Variants in CEP192 observed in about 807,000 individuals in gnomAD.
The protein encoded by CEP192 is centrosomal protein of 192 kDa.
CEP192 carries 151 observed loss-of-function variants against 271.8 expected under a neutral mutation model. The observed-to-expected ratio is 0.56, with a 90% CI of 0.49 to 0.64. CEP192 has a LOEUF of 0.64. Ranked by LOEUF, CEP192 falls within the 30% of genes least tolerant of loss-of-function variation. The probability of loss-of-function intolerance (pLI) is 0.00; values close to 1 mark genes in which losing one functional copy is unlikely to be tolerated. For synonymous variants in CEP192, 995 were observed against 1,076.5 expected (o/e 0.92, Z 1.48); for missense variants, 2,910 against 3,020.5 (o/e 0.96, Z 0.86).
chr18:13,061,501 G>A (rs191046131), intron 21 of CEP192, among the ~76,000 whole-genome samples: 1 of 152,288 alleles, frequency 6.6e-6, no homozygotes, highest in East Asian at 1.9e-4. Context: ...CTAGCTCAAC[G>A]ACTTTATTTT....
At chr18:13,046,363 A>AG (rs1405519570) in intron 15 of CEP192, among the ~76,000 whole-genome samples, 1 of 152,220 alleles carries the variant, frequency 6.6e-6, no homozygotes, top group Non-Finnish European at 1.5e-5. Context: ...TAAGATTTGG[A>AG]GGGGCATCCA....
At position 13,069,875 on chromosome 18, in the gene CEP192, A is replaced by G; in HGVS notation, c.5174+19A>G. 7.0e-7 allele frequency: 1 copy of G among 1,427,742 alleles called. No homozygotes were observed. Among genetic ancestry groups the G allele is most frequent in the Non-Finnish European group, 9.9e-7 (1 of 1,012,340 alleles). The allele number at this position is 1,427,742 out of a possible 1,614,324, so 88.4% of individuals were successfully genotyped here. On this transcript the variant is annotated intron_variant, in intron 27 of 44. Transcript: ENST00000506447. ...AGGAAAGGTAATATAAAAATGTTATAATGGACCGGGCACAGTGGCTCATGC... is the reference window on the plus strand; with the variant it reads ...AGGAAAGGTAATATAAAAATGTTATGATGGACCGGGCACAGTGGCTCATGC...
chr18:13,077,902 T>C (rs939918382), intron 30 of CEP192, among the ~76,000 whole-genome samples: 2 of 152,126 alleles, frequency 1.3e-5, no homozygotes, highest in Non-Finnish European at 2.9e-5. Flanking sequence ...TTCTCCCACA[T>C]ATCCATCCAT....
intron 21 of CEP192, among the ~76,000 whole-genome samples, chr18:13,061,392 G>C (rs1471257268): frequency 6.6e-6 from 1 of 152,252 alleles, no homozygotes; most frequent in Non-Finnish European, 1.5e-5. Context: ...TTAGAGGTAG[G>C]TGTTGGGGAT....
intron 9 of CEP192, among the ~76,000 whole-genome samples, chr18:13,019,423 T>C (rs1205875987): frequency 1.3e-5 from 2 of 152,226 alleles, no homozygotes; most frequent in African/African-American, 4.8e-5. Context: ...TGCATTTAGA[T>C]TAGTCATTTG....
At chr18:13,008,378 TA>T (rs1230478928) in intron 3 of CEP192, 77 bp from the exon 4 acceptor site, 2 of 1,034,392 alleles carry the variant, frequency 1.9e-6, no homozygotes, top group Admixed American at 2.8e-5. Flanking sequence ...GTAAAATACA[TA>T]ACTGATTAAT....
chr18:13,095,758 T>A (rs910286406), intron 35 of CEP192, 77 bp downstream of exon 35: 41 of 1,270,016 alleles, frequency 3.2e-5, no homozygotes, highest in Non-Finnish European at 4.4e-5. Flanking sequence ...CCATGGCCTA[T>A]CCAAGACACA....
intron 6 of CEP192, 95 bp downstream of exon 6, chr18:13,015,543 T>C (rs2034595149): frequency 1.6e-6 from 2 of 1,236,524 alleles, no homozygotes; most frequent in Non-Finnish European, 2.3e-6. Flanking sequence ...CTTTTTGGGT[T>C]TTTTGTCCTT....
intron 44 of CEP192, among the ~76,000 whole-genome samples, chr18:13,123,281 A>G (rs931587214): frequency 6.6e-6 from 1 of 152,228 alleles, no homozygotes; most frequent in African/African-American, 2.4e-5. Flanking sequence ...TATCTTTGAC[A>G]TGGTAAAACA....
intron 44 of CEP192, among the ~76,000 whole-genome samples, chr18:13,123,889 G>A (rs2040787134): frequency 1.3e-5 from 2 of 152,182 alleles, no homozygotes; most frequent in South Asian, 2.1e-4. Context: ...GCCGGGCATG[G>A]TGGCTCATGC....
rs527559145 is a variant in CEP192 at position 13,092,389 on chromosome 18, C to T, written c.6116C>T (p.Pro2039Leu). The T allele has an allele frequency of 1.3e-6, 2 of 1,593,682 alleles. No individual in the cohort carries two copies. Among genetic ancestry groups the T allele is most frequent in the East Asian group, 2.3e-5 (1 of 44,278 alleles). ...TTTTCTATTTCAGTATATGATCTTC[C>T]CCAACGACCTAATGATGTTCAGCTC... Reference protein sequence around the residue: ...ELLVTEVYDLPQRPNDVQLFY... With the variant: ...ELLVTEVYDLLQRPNDVQLFY... Residue 2039 changes from proline to leucine, a missense_variant, in exon 34 of 45, where the codon CCC (proline) becomes CTC (leucine). Physicochemically the swap from Pro to Leu is moderately conservative, Grantham distance 98. Transcript: ENST00000506447.
At position 13,048,848 on chromosome 18, in the gene CEP192, C is replaced by G. The variant is rs751333952; in HGVS notation, c.2068-11C>G. On this transcript the variant is annotated splice_polypyrimidine_tract_variant and intron_variant, in intron 15 of 44. Transcript: ENST00000506447. ...GTAAATTTATCTGATGTTTAATTTT[C>G]TCACTTCTAGGACACTTTCTTCATG... is the stretch of plus-strand genomic sequence containing the variant. 1 of 1,533,802 alleles carries G rather than the reference C, an allele frequency of 6.5e-7. No homozygotes were observed. The highest frequency in any genetic ancestry group is 8.8e-7 in the Non-Finnish European group (1 of 1,130,966).
intron 11 of CEP192, among the ~76,000 whole-genome samples, chr18:13,037,020 G>T (rs2035956712): frequency 6.6e-6 from 1 of 152,212 alleles, no homozygotes; most frequent in Non-Finnish European, 1.5e-5. Context: ...ATTGGGGTAC[G>T]TTAGTGACAA....
intron 41 of CEP192, 30 bp downstream of exon 41, chr18:13,113,735 A>T: frequency 1.3e-6 from 2 of 1,559,762 alleles, no homozygotes; most frequent in Non-Finnish European, 1.7e-6. Context: ...TAAGTAAATT[A>T]TTGTATGTAT....
At chr18:13,124,588 G>A (rs1320371277) in intron 44 of CEP192, 44 bp from the exon 45 acceptor site, 1 of 1,574,020 alleles carries the variant, frequency 6.4e-7, no homozygotes, top group Non-Finnish European at 8.7e-7. Flanking sequence ...AGGGTCACGG[G>A]TGCTGTCATG....
chr18:13,083,344 C>T (rs1275531445), intron 30 of CEP192, among the ~76,000 whole-genome samples: 1 of 152,168 alleles, frequency 6.6e-6, no homozygotes, highest in Non-Finnish European at 1.5e-5. Flanking sequence ...AACTTCTCTT[C>T]TCACTTTATT....
rs1370330539 is a variant in CEP192 at position 13,113,423 on chromosome 18, A to G, written c.7048-163A>G. ...TTTGGATCTGGTATAGTAACCCGCT[A>G]GAAATGAAATTGTCCAAATTCTTTC... On this transcript the variant is annotated intron_variant, in intron 40 of 44. Transcript: ENST00000506447. Among the ~76,000 whole-genome samples the G allele has an allele frequency of 2.6e-5, 4 of 152,256 alleles. No homozygotes were observed. The East Asian group carries it at 5.8e-4, about 22-fold the overall frequency.
At chr18:13,110,545 C>T (rs931837480) in intron 40 of CEP192, among the ~76,000 whole-genome samples, 1 of 151,950 alleles carries the variant, frequency 6.6e-6, no homozygotes, top group African/African-American at 2.4e-5. Flanking sequence ...AGGGTAGACC[C>T]TTACTGTATT....
intron 11 of CEP192, among the ~76,000 whole-genome samples, chr18:13,036,670 G>A (rs1017902350): frequency 2.0e-5 from 3 of 152,244 alleles, no homozygotes; most frequent in Admixed American, 6.5e-5. Flanking sequence ...TCCCTCTGAG[G>A]CATTTTAGTG....
Sources: allele counts gnomAD v4.1 joint callset (sites outside exome capture counted in the v4.1 genomes callset), GRCh38; gene constraint gnomAD v4.1.1; transcripts MANE v1.5; gene names NCBI Gene and HGNC (gene_info 2026-07-23, HGNC 2026-07-21).